CDKL3: variants seen among roughly 807,000 people sequenced by gnomAD.
The protein encoded by CDKL3 is cyclin-dependent kinase-like 3.
In CDKL3, 65 loss-of-function variants were observed where a neutral mutation model predicts 69.3. The ratio of observed to expected loss-of-function variants is 0.94; its 90% CI spans 0.77 to 1.15. CDKL3 has a LOEUF of 1.15. CDKL3 is among the 50% of genes most tolerant of loss of function. The probability of loss-of-function intolerance (pLI) is 0.00; values close to 1 mark genes in which losing one functional copy is unlikely to be tolerated. For missense variants in CDKL3, 652 were observed against 689.2 expected (o/e 0.95, Z 0.61); for synonymous variants, 202 against 221.6 (o/e 0.91, Z 0.79).
At chr5:134,302,084 T>A (rs1766494159) in intron 12 of CDKL3, 1 of 452,634 alleles carries the variant, frequency 2.2e-6, no homozygotes, top group Non-Finnish European at 4.4e-6. Context: ...GATTTTCAAA[T>A]AAAATTTGAG....
In CDKL3 at chr5:134,312,330, C is replaced by T; in HGVS notation, c.843G>A (p.Leu281=). The T allele has an allele frequency of 6.2e-7, 1 of 1,600,152 alleles. No individual in the cohort carries two copies. The highest frequency in any genetic ancestry group is 1.7e-5 in the Admixed American group (1 of 57,790). Residue 281 remains leucine (L), a synonymous_variant, in exon 7 of 13, where the codon TTG becomes TTA. Transcript: ENST00000265334. Reference sequence around the variant, plus strand: ...CATCTCTAGTAAAATACTCATGATGCAAAAGATCACTAGATGATATCCTGT... The same window carrying T: ...CATCTCTAGTAAAATACTCATGATGTAAAAGATCACTAGATGATATCCTGT... ...PADRISSSDL[L]HHEYFTRDGF... is the part of the protein sequence containing the mutation.
intron 8 of CDKL3, among the ~76,000 whole-genome samples, chr5:134,293,243 C>T (rs1019110813): frequency 3.3e-5 from 5 of 151,904 alleles, no homozygotes; most frequent in African/African-American, 1.2e-4. Flanking sequence ...TGGTCTCAAA[C>T]TCCCAATGTC....
intron 2 of CDKL3, among the ~76,000 whole-genome samples, chr5:134,365,280 AT>A (rs897770755): frequency 2.1e-5 from 3 of 144,584 alleles, no homozygotes; most frequent in Non-Finnish European, 4.6e-5. Context: ...CCCGGCCTTA[AT>A]TTTTTTTGTT....
rs776695564 is a variant in CDKL3 at position 134,308,202 on chromosome 5, T to C, written c.1300A>G (p.Asn434Asp). 1 of 1,613,906 alleles carries C rather than the reference T, an allele frequency of 6.2e-7. No homozygotes were observed. Among genetic ancestry groups the C allele is most frequent in the East Asian group, 2.2e-5 (1 of 44,848 alleles). The change falls in exon 9 of 13, where the codon AAT (asparagine) becomes GAT (aspartate). Residue 434 changes from asparagine to aspartate, a missense_variant. Transcript: ENST00000265334. Reference protein sequence around the residue: ...CGGSVTMPPINLTNSNLMAAN... With the variant: ...CGGSVTMPPIDLTNSNLMAAN... Reference sequence around the variant, plus strand: ...GCCATCAAATTACTGTTAGTTAGATTGATGGGTGGCATTGTCACAGAACCT... The same window carrying C: ...GCCATCAAATTACTGTTAGTTAGATCGATGGGTGGCATTGTCACAGAACCT...
chr5:134,363,977 A>G lies in CDKL3; in HGVS notation c.165+2382T>C, dbSNP rs796139926. Among the ~76,000 whole-genome samples, 518 of 119,264 alleles carry G rather than the reference A, an allele frequency of 4.3e-3. 2 individuals carry two copies. The highest frequency in any genetic ancestry group is 0.015 in the African/African-American group (429 of 28,810). The allele number at this position is 119,264 out of a possible 152,430, so 78.2% of individuals were successfully genotyped here. A position where few individuals can be genotyped will look rare whatever the true frequency, so the allele number is the denominator to read the frequency against. On this transcript the variant is annotated intron_variant, in intron 2 of 12. Transcript: ENST00000265334. ...TTTCTTAAAAAAAAAAAAAAAAAAA[A>G]AGAGAGAGAAAGAAGGCAAATTGAT...
upstream of CDKL3, among the ~76,000 whole-genome samples, chr5:134,368,570 G>A (rs1423733924): frequency 2.4e-5 from 3 of 126,706 alleles, no homozygotes; most frequent in African/African-American, 9.1e-5. Context: ...AGTGAGCGGA[G>A]ATCGCACCAC....
chr5:134,368,491 C>A (rs1581297555), upstream of CDKL3, among the ~76,000 whole-genome samples: 1 of 151,618 alleles, frequency 6.6e-6, no homozygotes, highest in Non-Finnish European at 1.5e-5. Flanking sequence ...TGGTGGCGGG[C>A]GCCTGTAGTC....
rs1757584662 is a variant in CDKL3 at position 134,366,964 on chromosome 5, T to G, written c.-22+13A>C. On this transcript the variant is annotated intron_variant, in intron 1 of 12. Coordinates refer to ENST00000265334, the MANE Select transcript of CDKL3 (RefSeq NM_001113575.2). The stretch of plus-strand genomic sequence containing the variant: ...CGCCCGCAACTCAAACCACACGTCT[T>G]AGGATGCCGGACCGGCGTCACGCCC... 20 of 989,600 alleles carry G rather than the reference T, an allele frequency of 2.0e-5. No homozygotes were observed. Among genetic ancestry groups the G allele is most frequent in the Non-Finnish European group, 2.4e-5 (20 of 832,738 alleles). 61.3% of individuals were successfully genotyped at this position (989,600 alleles called of 1,614,324 possible). A position where few individuals can be genotyped will look rare whatever the true frequency, so the allele number is the denominator to read the frequency against.
chr5:134,331,346 T>G (rs923290196), intron 4 of CDKL3, among the ~76,000 whole-genome samples: 1 of 152,176 alleles, frequency 6.6e-6, no homozygotes, highest in Non-Finnish European at 1.5e-5. Context: ...AGGGTACATG[T>G]GTAAAATGTG....
chr5:134,371,472 C>T (rs937839247), upstream of CDKL3: 3 of 1,165,564 alleles, frequency 2.6e-6, no homozygotes, highest in African/African-American at 1.9e-5. Flanking sequence ...GTTTGTCAGT[C>T]TCGGCGGCGG....
At chr5:134,366,887 C>G in intron 1 of CDKL3, 90 bp downstream of exon 1, 1 of 1,003,378 alleles carries the variant, frequency 1.0e-6, no homozygotes, top group Non-Finnish European at 1.2e-6. Flanking sequence ...GGTTCCCGCA[C>G]TACTGCAGTC....
At chr5:134,341,776 T>C (rs1304895667) in intron 4 of CDKL3, among the ~76,000 whole-genome samples, 1 of 152,216 alleles carries the variant, frequency 6.6e-6, no homozygotes, top group Non-Finnish European at 1.5e-5. Flanking sequence ...GAAGACAATA[T>C]GGCCCCAGCC....
At chr5:134,335,736 T>C (rs964146263) in intron 4 of CDKL3, among the ~76,000 whole-genome samples, 6 of 152,216 alleles carry the variant, frequency 3.9e-5, no homozygotes, top group Non-Finnish European at 7.3e-5. Context: ...CCAACCTTTC[T>C]CTCTGGCTGC....
chr5:134,349,479 A>G (rs1561619683), intron 4 of CDKL3, among the ~76,000 whole-genome samples: 1 of 152,190 alleles, frequency 6.6e-6, no homozygotes, highest in East Asian at 1.9e-4. Flanking sequence ...AAACAGTACA[A>G]TTTAAAATTA....
chr5:134,326,809 A>ATGTG (rs200681185), intron 4 of CDKL3, among the ~76,000 whole-genome samples: 1 of 127,724 alleles, frequency 7.8e-6, no homozygotes, highest in African/African-American at 3.0e-5. Flanking sequence ...ATATATATAT[A>ATGTG]TGTGTGTGTA....
intron 5 of CDKL3, 51 bp downstream of exon 5, chr5:134,321,740 T>C: frequency 1.0e-6 from 1 of 960,016 alleles, no homozygotes. Flanking sequence ...AGAATTGATC[T>C]GGCAATATTT....
At chr5:134,345,133 G>A (rs1259995673) in intron 4 of CDKL3, among the ~76,000 whole-genome samples, 3 of 152,052 alleles carry the variant, frequency 2.0e-5, no homozygotes, top group Admixed American at 6.6e-5. Context: ...GGGTTAGGGA[G>A]GGAGTTCAGA....
chr5:134,308,273 T>C lies in CDKL3; in HGVS notation c.1229A>G (p.Asn410Ser), dbSNP rs776642141. The C allele has an allele frequency of 9.3e-6, 15 of 1,613,856 alleles. No individual in the cohort carries two copies. The African/African-American group carries it at 1.9e-4, about 20-fold the overall frequency. ...LVTIEPPNPI[N>S]PSTNCNGLKE... ...CAAGCCATTACAGTTAGTGCTGGGA[T>C]TGATAGGGTTTGGTGGTTCAATGGT... The change falls in exon 9 of 13, where the codon AAT becomes AGT. Residue 410 changes from asparagine to serine, a missense_variant. Transcript: ENST00000265334.
upstream of CDKL3, among the ~76,000 whole-genome samples, chr5:134,367,616 C>T (rs919190097): frequency 1.8e-4 from 27 of 151,992 alleles, no homozygotes; most frequent in African/African-American, 6.0e-4. Flanking sequence ...TCAGGTGATC[C>T]GCCTGCCTCG....
Sources: gnomAD v4.1 joint callset for allele counts (sites outside exome capture counted in the v4.1 genomes callset) on GRCh38, gnomAD v4.1.1 for gene constraint, MANE v1.5 for transcripts, NCBI Gene and HGNC (gene_info 2026-07-23, HGNC 2026-07-21) for gene names.